Variants in SEMA6A observed in about 807,000 individuals in gnomAD.
The protein encoded by SEMA6A is semaphorin-6A.
A neutral mutation model predicts 96.8 loss-of-function variants in SEMA6A; 25 were observed. The ratio of observed to expected loss-of-function variants is 0.26; its 90% CI spans 0.19 to 0.36. The LOEUF (loss-of-function observed/expected upper bound fraction) is 0.36, where lower values mean the gene tolerates loss of function less well. Ranked by LOEUF, SEMA6A falls within the 10% of genes least tolerant of loss-of-function variation. SEMA6A has a pLI of 1.00. For missense variants in SEMA6A, 1,363 were observed against 1,323.1 expected, an observed-to-expected ratio of 1.03 and a Z score of -0.47; for synonymous variants, 612 against 518.0, an observed-to-expected ratio of 1.18 and a Z score of -2.46.
intron 1 of SEMA6A, among the ~76,000 whole-genome samples, chr5:116,539,033 G>A (rs576887214): frequency 6.6e-6 from 1 of 152,270 alleles, no homozygotes; most frequent in Non-Finnish European, 1.5e-5. Context: ...TTGTGTGTTT[G>A]CAATCAAGCA....
chr5:116,569,240 A>G (rs1324267790), intron 1 of SEMA6A, among the ~76,000 whole-genome samples: 1 of 152,224 alleles, frequency 6.6e-6, no homozygotes, highest in South Asian at 2.1e-4. Context: ...TGAGAAAGTG[A>G]CATTTGAACA....
chr5:116,519,117 G>A (rs534671259), intron 1 of SEMA6A, among the ~76,000 whole-genome samples: 40 of 152,190 alleles, frequency 2.6e-4, no homozygotes, highest in African/African-American at 7.5e-4. Context: ...GTTGAGTGTC[G>A]TCCAGAATCC....
chr5:116,545,804 C>G (rs1017505809), intron 1 of SEMA6A, among the ~76,000 whole-genome samples: 8 of 152,158 alleles, frequency 5.3e-5, no homozygotes, highest in Non-Finnish European at 8.8e-5. Flanking sequence ...AAGAACCAAT[C>G]TAGTCTTTGG....
At chr5:116,570,132 G>A (rs2112923003) in intron 1 of SEMA6A, among the ~76,000 whole-genome samples, 1 of 152,320 alleles carries the variant, frequency 6.6e-6, no homozygotes, top group East Asian at 1.9e-4. Flanking sequence ...CTTGAGGTTT[G>A]TGTGGTATGA....
At chr5:116,513,629 T>A (rs1277154539) in intron 1 of SEMA6A, among the ~76,000 whole-genome samples, 1 of 151,924 alleles carries the variant, frequency 6.6e-6, no homozygotes, top group African/African-American at 2.4e-5. Flanking sequence ...TTTCCAACTT[T>A]TATTTTAAGT....
chr5:116,446,949 G>A lies in SEMA6A; in HGVS notation c.2757C>T (p.Ser919=), dbSNP rs761493868. The change falls in exon 19 of 19, where the codon AGC becomes AGT. Residue 919 remains serine, a synonymous_variant. Transcript: ENST00000343348. ...SSSYGVDYKR[S]YPTNSLTRSH... ...TTCTCGTGAGCGAGTTCGTGGGGTAGCTCCTCTTATAGTCAACCCCGTAGG... is the reference window on the plus strand; with the variant it reads ...TTCTCGTGAGCGAGTTCGTGGGGTAACTCCTCTTATAGTCAACCCCGTAGG... 1.2e-6 allele frequency: 2 copies of A among 1,613,842 alleles called. No homozygotes were observed. Among genetic ancestry groups the A allele is most frequent in the African/African-American group, 2.7e-5 (2 of 74,910 alleles).
rs1204548361 is a variant in SEMA6A at position 116,512,308 on chromosome 5, G to A, written c.-38-7326C>T. ...ATATTTGCATTAAGATATAAGGTTCGGGCAAATGAGAAAAATAGCTCCAGC... is the reference window on the plus strand; with the variant it reads ...ATATTTGCATTAAGATATAAGGTTCAGGCAAATGAGAAAAATAGCTCCAGC... On this transcript the variant is annotated intron_variant, in intron 1 of 18. Coordinates refer to ENST00000343348, the MANE Select transcript of SEMA6A (RefSeq NM_020796.5). Among the ~76,000 whole-genome samples the A allele has an allele frequency of 2.6e-5, 4 of 152,108 alleles. No individual in the cohort carries two copies. The South Asian group carries it at 6.2e-4, about 24-fold the overall frequency.
chr5:116,573,057 A>G (rs563690894), intron 1 of SEMA6A, among the ~76,000 whole-genome samples: 2 of 151,848 alleles, frequency 1.3e-5, no homozygotes, highest in African/African-American at 4.8e-5. Context: ...GAGGGAGGAG[A>G]CCTCAGGATC....
intron 1 of SEMA6A, among the ~76,000 whole-genome samples, chr5:116,513,602 T>C (rs889484457): frequency 1.0e-5 from 1 of 100,052 alleles, no homozygotes; most frequent in African/African-American, 5.6e-5. Flanking sequence ...CTTGATTTTC[T>C]TTTTTTTTTT....
chr5:116,465,505 GCAAGGAGTTACTAGCACAAGAA>G (rs1755673986), intron 18 of SEMA6A, among the ~76,000 whole-genome samples: 2 of 152,144 alleles, frequency 1.3e-5, no homozygotes, highest in African/African-American at 4.8e-5. Context: ...ACAGGGCAAG[GCAAGGAGTTACTAGCACAAGAA>G]CAGTGATCAT....
In SEMA6A at chr5:116,478,602, T is replaced by C. The variant is rs753247172; in HGVS notation, c.1367A>G (p.Asn456Ser). Residue 456 changes from asparagine (N) to serine (S), a missense_variant, in exon 13 of 19, where the codon AAT becomes AGT. Physicochemically the swap from Asn to Ser is conservative, Grantham distance 46. Coordinates refer to ENST00000343348, the MANE Select transcript of SEMA6A (RefSeq NM_020796.5). ...IILKFLARIGNSGFLNDSLFL... is the reference protein window; with the variant it reads ...IILKFLARIGSSGFLNDSLFL... ...AAGGCTGTCATTTAGAAAACCACTATTTCCTATTCTGGCCAAAAACTTCAA... is the reference window on the plus strand; with the variant it reads ...AAGGCTGTCATTTAGAAAACCACTACTTCCTATTCTGGCCAAAAACTTCAA... The C allele has an allele frequency of 1.2e-6, 2 of 1,613,464 alleles. No individual in the cohort carries two copies. Among genetic ancestry groups the C allele is most frequent in the South Asian group, 2.2e-5 (2 of 90,928 alleles).
At chr5:116,467,902 T>G in intron 17 of SEMA6A, 155 bp from the exon 18 acceptor site, 2 of 620,356 alleles carry the variant, frequency 3.2e-6, no homozygotes, top group Non-Finnish European at 2.7e-6. Context: ...GTGGTGGTGG[T>G]GGTGGTGGTG....
intron 1 of SEMA6A, among the ~76,000 whole-genome samples, chr5:116,541,612 C>G (rs1759966024): frequency 6.6e-6 from 1 of 152,156 alleles, no homozygotes; most frequent in African/African-American, 2.4e-5. Flanking sequence ...GTGAGCTGAT[C>G]ACCTGAGGTC....
chr5:116,449,048 C>T (rs888825), intron 18 of SEMA6A, among the ~76,000 whole-genome samples: 28,349 of 152,164 alleles, frequency 0.19, 2,834 homozygotes, highest in East Asian at 0.38. Flanking sequence ...AAGGTGCTTT[C>T]GCTATTCCTG....
intron 17 of SEMA6A, chr5:116,469,100 G>A (rs530797394): frequency 4.6e-5 from 7 of 152,214 alleles, no homozygotes; most frequent in East Asian, 1.9e-4. Flanking sequence ...CAAGTGGCTC[G>A]TCCATGCTAT....
In SEMA6A at chr5:116,488,553, T is replaced by A. The variant is rs149619391; in HGVS notation, c.655+335A>T. Among the ~76,000 whole-genome samples, 88 of 152,292 alleles carry A rather than the reference T, an allele frequency of 5.8e-4. No individual in the cohort carries two copies. In the East Asian group the frequency reaches 0.014, roughly 24 times the overall value. On this transcript the variant is annotated intron_variant, in intron 8 of 18. Coordinates refer to ENST00000343348, the MANE Select transcript of SEMA6A (RefSeq NM_020796.5). ...GTTGTGAATAGCTTTTCTCCTCTTC[T>A]CCACCACCTCCAAGCCCCTGTCCCC... is the stretch of plus-strand genomic sequence containing the variant.
rs143713726 is a variant in SEMA6A at position 116,488,785 on chromosome 5, TTACTCAAA to T, written c.655+95_655+102del. On this transcript the variant is annotated intron_variant, in intron 8 of 18. Coordinates refer to ENST00000343348, the MANE Select transcript of SEMA6A (RefSeq NM_020796.5). ...ACATGTTTCTGTCTGTCAGAAGCCA[TTACTCAAA>T]TGAAGATACAGTCTGGTCCCTCCAG... 4.5e-3 allele frequency: 5,865 copies of T among 1,312,272 alleles called. 167 individuals are homozygous for T. In the Admixed American group the frequency reaches 0.061, roughly 14 times the overall value. 81.3% of individuals were successfully genotyped at this position (1,312,272 alleles called of 1,614,324 possible).
intron 1 of SEMA6A, among the ~76,000 whole-genome samples, chr5:116,519,573 T>C (rs76395000): frequency 0.013 from 1,934 of 152,148 alleles, 48 homozygotes; most frequent in African/African-American, 0.044. Flanking sequence ...AGTGCGGATA[T>C]TGGGGTCATG....
At chr5:116,530,329 C>T (rs1220452303) in intron 1 of SEMA6A, among the ~76,000 whole-genome samples, 1 of 152,208 alleles carries the variant, frequency 6.6e-6, no homozygotes, top group African/African-American at 2.4e-5. Flanking sequence ...TGTAGGCACT[C>T]CCTGTTATGC....
Sources: gnomAD v4.1 joint callset for allele counts (sites outside exome capture counted in the v4.1 genomes callset) on GRCh38, gnomAD v4.1.1 for gene constraint, MANE v1.5 for transcripts, NCBI Gene and HGNC (gene_info 2026-07-23, HGNC 2026-07-21) for gene names.